The following PRIM2 variants were observed in gnomAD, a reference collection of about 807,000 sequenced individuals.
The protein encoded by PRIM2 is DNA primase large subunit.
PRIM2 carries 39 observed loss-of-function variants against 67.3 expected under a neutral mutation model. The ratio of observed to expected loss-of-function variants is 0.58; its 90% CI spans 0.45 to 0.76. PRIM2 has a LOEUF of 0.76. Ranked by LOEUF, PRIM2 falls within the 30% of genes least tolerant of loss-of-function variation. The probability of loss-of-function intolerance (pLI) is 0.00; values close to 1 mark genes in which losing one functional copy is unlikely to be tolerated. For synonymous variants in PRIM2, 143 were observed against 198.7 expected, an observed-to-expected ratio of 0.72 and a Z score of 2.36; for missense variants, 398 against 598.7, an observed-to-expected ratio of 0.66 and a Z score of 3.50.
chr6:57,269,052 G>C, the PRIM2 span, among the ~76,000 whole-genome samples: 2 of 151,894 alleles, frequency 1.3e-5, no homozygotes, highest in Non-Finnish European at 2.9e-5. Flanking sequence ...ATTTGGGTTG[G>C]TTCCAAGTCT....
the PRIM2 span, among the ~76,000 whole-genome samples, chr6:57,242,547 T>C: frequency 6.6e-6 from 1 of 152,194 alleles, no homozygotes; most frequent in African/African-American, 2.4e-5. Context: ...CAAACCAATA[T>C]GATGGTTACC....
At chr6:57,392,144 G>T (rs1770373824) in intron 7 of PRIM2, among the ~76,000 whole-genome samples, 1 of 152,092 alleles carries the variant, frequency 6.6e-6, no homozygotes, top group African/African-American at 2.4e-5. Flanking sequence ...AATTGTGAAT[G>T]GGATTGCCTT....
At chr6:57,277,423 A>T in the PRIM2 span, among the ~76,000 whole-genome samples, 1 of 152,168 alleles carries the variant, frequency 6.6e-6, no homozygotes, top group Non-Finnish European at 1.5e-5. Flanking sequence ...TATATTGAAC[A>T]CTTCATATAT....
At chr6:57,459,059 T>TA (rs1772910500) in intron 7 of PRIM2, among the ~76,000 whole-genome samples, 1 of 152,218 alleles carries the variant, frequency 6.6e-6, no homozygotes, top group African/African-American at 2.4e-5. Context: ...AGAGCTGACT[T>TA]AACACAATGA....
intron 7 of PRIM2, among the ~76,000 whole-genome samples, chr6:57,430,278 A>C (rs1771772122): frequency 6.6e-6 from 1 of 152,090 alleles, no homozygotes; most frequent in Admixed American, 6.6e-5. Flanking sequence ...TTCTGAAGGG[A>C]ATAGGTGAAC....
chr6:57,260,498 C>T, the PRIM2 span, among the ~76,000 whole-genome samples: 1 of 152,132 alleles, frequency 6.6e-6, no homozygotes, highest in Non-Finnish European at 1.5e-5. Flanking sequence ...TACATATCAG[C>T]AATTTATTTC....
the PRIM2 span, among the ~76,000 whole-genome samples, chr6:57,253,805 T>A: frequency 6.6e-6 from 1 of 152,336 alleles, no homozygotes; most frequent in Non-Finnish European, 1.5e-5. Flanking sequence ...CTGAAACCCT[T>A]GTGCTATTGT....
chr6:57,249,522 G>A, the PRIM2 span, among the ~76,000 whole-genome samples: 35 of 152,180 alleles, frequency 2.3e-4, no homozygotes, highest in Middle Eastern at 6.8e-3. Context: ...CAGGTGGATC[G>A]CTTGAAGTCA....
intron 10 of PRIM2, among the ~76,000 whole-genome samples, chr6:57,579,455 G>T (rs1776038409): frequency 6.6e-6 from 1 of 151,980 alleles, no homozygotes; most frequent in Non-Finnish European, 1.5e-5. Flanking sequence ...TGTTCTTTTG[G>T]TTGTCTGTTA....
intron 8 of PRIM2, among the ~76,000 whole-genome samples, chr6:57,515,955 T>TAAA (rs1774478953): frequency 6.6e-6 from 1 of 151,918 alleles, no homozygotes. Flanking sequence ...CCTGTTTTTA[T>TAAA]GCTGGCTGTC....
chr6:57,621,077 T>C (rs1776844361), intron 12 of PRIM2, among the ~76,000 whole-genome samples: 1 of 152,262 alleles, frequency 6.6e-6, no homozygotes, highest in Non-Finnish European at 1.5e-5. Context: ...CATTAAATTT[T>C]TTTTGGTAGT....
At chr6:57,642,976 T>A (rs1339121087) in intron 13 of PRIM2, among the ~76,000 whole-genome samples, 1 of 152,228 alleles carries the variant, frequency 6.6e-6, no homozygotes, top group African/African-American at 2.4e-5. Flanking sequence ...ACCTTTTTTT[T>A]AAGTGACTTG....
chr6:57,516,540 T>A (rs1774492278), intron 8 of PRIM2, among the ~76,000 whole-genome samples: 1 of 152,220 alleles, frequency 6.6e-6, no homozygotes, highest in Non-Finnish European at 1.5e-5. Flanking sequence ...ACTGATTTTC[T>A]TTTTAATATT....
chr6:57,330,474 C>T (rs1768022716), intron 5 of PRIM2, among the ~76,000 whole-genome samples: 1 of 150,628 alleles, frequency 6.6e-6, no homozygotes, highest in Non-Finnish European at 1.5e-5. Context: ...CCTGCCTCAG[C>T]CTCCCGCCGG....
intron 12 of PRIM2, among the ~76,000 whole-genome samples, chr6:57,623,690 T>C (rs1776898032): frequency 6.6e-6 from 1 of 152,172 alleles, no homozygotes; most frequent in Non-Finnish European, 1.5e-5. Context: ...AGGCACCGGC[T>C]TCTTTTGAAG....
intron 5 of PRIM2, among the ~76,000 whole-genome samples, chr6:57,370,313 A>T (rs543546960): frequency 2.6e-5 from 4 of 152,188 alleles, no homozygotes; most frequent in Non-Finnish European, 4.4e-5. Context: ...ATTTTGTCCA[A>T]TAGTTTTTAA....
At chr6:57,378,155 G>C (rs1769834685) in intron 5 of PRIM2, among the ~76,000 whole-genome samples, 1 of 151,276 alleles carries the variant, frequency 6.6e-6, no homozygotes, top group African/African-American at 2.4e-5. Flanking sequence ...CTAACTCCTG[G>C]GCTCAAGCAA....
intron 7 of PRIM2, among the ~76,000 whole-genome samples, chr6:57,428,075 A>T (rs1283487093): frequency 6.6e-6 from 1 of 152,120 alleles, no homozygotes; most frequent in Non-Finnish European, 1.5e-5. Flanking sequence ...AAAAAATTGC[A>T]GTAGAATTAT....
At chr6:57,241,171 C>T in the PRIM2 span, among the ~76,000 whole-genome samples, 2 of 150,818 alleles carry the variant, frequency 1.3e-5, no homozygotes, top group Non-Finnish European at 2.9e-5. Context: ...TTGCAGTGAG[C>T]CGAGATTGCG....
Sources: allele counts gnomAD v4.1 joint callset (sites outside exome capture counted in the v4.1 genomes callset), GRCh38; gene constraint gnomAD v4.1.1; transcripts MANE v1.5; gene names NCBI Gene and HGNC (gene_info 2026-07-23, HGNC 2026-07-21).